The following ZNF541 variants were observed in gnomAD, a reference collection of about 807,000 sequenced individuals.
ZNF541 encodes the protein zinc finger protein 541.
ZNF541 carries 23 observed loss-of-function variants against 123.5 expected under a neutral mutation model. The ratio of observed to expected loss-of-function variants is 0.19; its 90% CI spans 0.13 to 0.26. The LOEUF (loss-of-function observed/expected upper bound fraction) is 0.26, where lower values mean the gene tolerates loss of function less well. Ranked by LOEUF, ZNF541 falls within the 10% of genes least tolerant of loss-of-function variation. The pLI is 1.00. For synonymous variants in ZNF541, 751 were observed against 754.5 expected (o/e 1.00, Z 0.08); for missense variants, 1,612 against 1,789.9 (o/e 0.90, Z 1.79).
At chr19:47,543,841 G>A (rs970507922) in intron 5 of ZNF541, among the ~76,000 whole-genome samples, 47 of 152,024 alleles carry the variant, frequency 3.1e-4, no homozygotes, top group African/African-American at 1.1e-3. Context: ...ACTGGGTTTC[G>A]CCATGTTGCC....
At chr19:47,541,424 T>C (rs547477738) in intron 5 of ZNF541, among the ~76,000 whole-genome samples, 1 of 150,836 alleles carries the variant, frequency 6.6e-6, no homozygotes, top group Non-Finnish European at 1.5e-5. Flanking sequence ...CAAAAAAAAA[T>C]AAAAAATAAA....
Position 47,545,015 on chromosome 19 carries a change from T to C in ZNF541, c.1514A>G (p.Lys505Arg), listed in dbSNP as rs1418207473. ...EDDPCAPKKV[K>R]VDCDSFLCQN... ...GCACAGGAAGGAGTCGCAGTCGACC[T>C]TGACCTTCTTGGGGGCGCAGGGGTC... The change falls in exon 5 of 17, where the codon AAG becomes AGG. Residue 505 changes from lysine to arginine, a missense_variant. By Grantham distance (26) the Lys-to-Arg change is conservative. This residue lies in a region of ZNF541 where 1,080 missense variants were observed against 1,013.8 expected (regional missense o/e 1.07). Coordinates refer to ENST00000391901, the MANE Select transcript of ZNF541 (RefSeq NM_001277075.3). This position sits in a 1 kb window ranked among gnomAD's most constrained non-coding sequence, Gnocchi z 7.5. 4.0e-6 allele frequency: 6 copies of C among 1,509,014 alleles called. No individual in the cohort carries two copies. Among genetic ancestry groups the C allele is most frequent in the Middle Eastern group, 1.8e-4 (1 of 5,644 alleles). 93.5% of individuals were successfully genotyped at this position (1,509,014 alleles called of 1,614,324 possible).
At chr19:47,526,060 A>C (rs994288121) in intron 14 of ZNF541, among the ~76,000 whole-genome samples, 3 of 152,358 alleles carry the variant, frequency 2.0e-5, no homozygotes, top group African/African-American at 7.2e-5. Flanking sequence ...TCAAAATGAC[A>C]AAATTTTTCT....
intron 4 of ZNF541, among the ~76,000 whole-genome samples, chr19:47,548,457 A>AG (rs1322878810): frequency 2.7e-5 from 4 of 150,562 alleles, no homozygotes; most frequent in African/African-American, 9.9e-5. Flanking sequence ...AAAAAAAAAA[A>AG]AAAAGAAAAA....
rs1404663130 is a variant in ZNF541, at chr19:47,549,404, C to T, written c.389G>A (p.Arg130Gln). 20 of 1,551,700 alleles carry T rather than the reference C, an allele frequency of 1.3e-5. No individual in the cohort carries two copies. The highest frequency in any genetic ancestry group is 1.7e-4 in the Middle Eastern group (1 of 5,992). The change falls in exon 4 of 17, where the codon CGG (arginine) becomes CAG (glutamine). Residue 130 changes from arginine to glutamine, a missense_variant. Arg to Gln is a conservative substitution (Grantham distance 43, BLOSUM62 1). This residue lies in a region of ZNF541 where 212 missense variants were observed against 289.6 expected (regional missense o/e 0.73). Coordinates refer to ENST00000391901, the MANE Select transcript of ZNF541 (RefSeq NM_001277075.3). ...TGGGTTTTGAGGGGAACTGTGCTGC[C>T]GCTTTCCTTTCCTGGCACTCCCCGA... is the stretch of plus-strand genomic sequence containing the variant. ...ATSGSARKGK[R>Q]QHSSPQNPLL...
intron 12 of ZNF541, among the ~76,000 whole-genome samples, chr19:47,531,245 G>A (rs936275861): frequency 2.7e-5 from 4 of 148,868 alleles, no homozygotes; most frequent in Non-Finnish European, 6.0e-5. Flanking sequence ...GGGGGGGGGG[G>A]GGGGTCCTTG....
At position 47,521,193 on chromosome 19, in the gene ZNF541, G is replaced by A; in HGVS notation, c.*31C>T. The A allele has an allele frequency of 1.3e-6, 2 of 1,547,048 alleles. No homozygotes were observed. The highest frequency in any genetic ancestry group is 1.7e-6 in the Non-Finnish European group (2 of 1,144,378). ...GCCGAAGGGAGGAGGGGCAGCACTG[G>A]AGGCCCCATTCGGACTTGCTGCCAC... is the stretch of plus-strand genomic sequence containing the variant. On this transcript the variant is annotated 3_prime_UTR_variant, in exon 17 of 17. Transcript: ENST00000391901. This position sits in a 1 kb window ranked among gnomAD's most constrained non-coding sequence, Gnocchi z 4.2.
rs1177882752 is a variant in ZNF541 at position 47,544,328 on chromosome 19, C to G, written c.2201G>C (p.Gly734Ala). The G allele has an allele frequency of 6.4e-7, 1 of 1,551,542 alleles. No homozygotes were observed. Among genetic ancestry groups the G allele is most frequent in the South Asian group, 1.2e-5 (1 of 84,064 alleles). Reference sequence around the variant, plus strand: ...GCCTCCACCCCGGGAGCAGGCTGGGCCCTTTTCACCTTTTGTGATCCTTGA... The same window carrying G: ...GCCTCCACCCCGGGAGCAGGCTGGGGCCTTTTCACCTTTTGTGATCCTTGA... ...AASRITKGEK[G>A]PACSRGGGYR... Residue 734 changes from glycine to alanine, a missense_variant, in exon 5 of 17, where the codon GGC becomes GCC. This residue lies in a region of ZNF541 where 1,080 missense variants were observed against 1,013.8 expected (regional missense o/e 1.07). Coordinates refer to ENST00000391901, the MANE Select transcript of ZNF541 (RefSeq NM_001277075.3).
chr19:47,526,192 A>G (rs955800486), intron 14 of ZNF541, among the ~76,000 whole-genome samples: 8 of 151,854 alleles, frequency 5.3e-5, no homozygotes, highest in Non-Finnish European at 8.8e-5. Flanking sequence ...AATAATAAAA[A>G]CACAGCCGGC....
At chr19:47,572,199 G>T (rs191423970) in intron 1 of ZNF541, among the ~76,000 whole-genome samples, 157 bp from the exon 2 acceptor site, 2 of 152,146 alleles carry the variant, frequency 1.3e-5, no homozygotes, top group African/African-American at 4.8e-5. Flanking sequence ...GGTTTTTTTG[G>T]TAAGAAGAAA....
intron 10 of ZNF541, among the ~76,000 whole-genome samples, chr19:47,532,500 T>C (rs1969621074): frequency 6.6e-6 from 1 of 152,038 alleles, no homozygotes; most frequent in Non-Finnish European, 1.5e-5. Flanking sequence ...CATTGCCACA[T>C]TTCTCTCTCA....
chr19:47,572,371 G>A (rs963638039), intron 1 of ZNF541, among the ~76,000 whole-genome samples: 1 of 152,112 alleles, frequency 6.6e-6, no homozygotes, highest in East Asian at 1.9e-4. Context: ...AGACGAGAGA[G>A]AAACTGGAAG....
At position 47,555,704 on chromosome 19, in the gene ZNF541, A is replaced by C. The variant is rs1003379066; in HGVS notation, c.153T>G (p.Gly51=). The C allele has an allele frequency of 6.4e-7, 1 of 1,551,588 alleles. No individual in the cohort carries two copies. The highest frequency in any genetic ancestry group is 1.4e-5 in the African/African-American group (1 of 73,020). ...TRGFLYAGLS[G]LDPDPSLPTP... ...TTGGGAGGCTGGGGTCCGGGTCCAG[A>C]CCACTCAGGCCAGCATAAAGAAAGC... Residue 51 remains glycine, a synonymous_variant, in exon 3 of 17, where the codon GGT becomes GGG. Coordinates refer to ENST00000391901, the MANE Select transcript of ZNF541 (RefSeq NM_001277075.3).
intron 3 of ZNF541, among the ~76,000 whole-genome samples, chr19:47,554,627 C>A (rs1001369189): frequency 6.6e-6 from 1 of 152,196 alleles, no homozygotes; most frequent in South Asian, 2.1e-4. Flanking sequence ...CAGAAGGGAC[C>A]GGACCCCAGT....
intron 2 of ZNF541, among the ~76,000 whole-genome samples, chr19:47,564,466 G>A (rs370575251): frequency 6.6e-6 from 1 of 152,122 alleles, no homozygotes; most frequent in African/African-American, 2.4e-5. Context: ...CCCTTACGAG[G>A]CAGAGTTTAT....
rs757346378 is a variant in ZNF541 at position 47,531,763 on chromosome 19, A to G, written c.3302-18T>C. 2.1e-5 allele frequency: 32 copies of G among 1,534,668 alleles called. No homozygotes were observed. The highest frequency in any genetic ancestry group is 1.8e-4 in the South Asian group (15 of 83,114). ...CTCGGTCACTGTTTCCAAGAAGGAC[A>G]TGAGGAAGAGGAGGCACACAGGAGT... is the stretch of plus-strand genomic sequence containing the variant. On this transcript the variant is annotated intron_variant, in intron 11 of 16. Coordinates refer to ENST00000391901, the MANE Select transcript of ZNF541 (RefSeq NM_001277075.3).
intron 12 of ZNF541, among the ~76,000 whole-genome samples, chr19:47,531,244 G>C (rs1040460899): frequency 2.0e-5 from 3 of 148,272 alleles, no homozygotes; most frequent in East Asian, 4.0e-4. Context: ...GGGGGGGGGG[G>C]GGGGGTCCTT....
chr19:47,558,397 C>T (rs1357231931), intron 2 of ZNF541, among the ~76,000 whole-genome samples: 3 of 151,544 alleles, frequency 2.0e-5, no homozygotes, highest in Non-Finnish European at 4.4e-5. Flanking sequence ...GCCTGGGCAA[C>T]AGAGCGAGAC....
chr19:47,559,601 G>A (rs1291524647), intron 2 of ZNF541, among the ~76,000 whole-genome samples: 1 of 152,074 alleles, frequency 6.6e-6, no homozygotes, highest in Non-Finnish European at 1.5e-5. Flanking sequence ...TGTAATCGCA[G>A]CACTTTAGGA....
Sources: allele counts gnomAD v4.1 joint callset (sites outside exome capture counted in the v4.1 genomes callset), GRCh38; gene constraint gnomAD v4.1.1; regional missense constraint gnomAD v4.1.1; non-coding constraint Gnocchi (gnomAD v3.1); transcripts MANE v1.5; gene names NCBI Gene and HGNC (gene_info 2026-07-23, HGNC 2026-07-21).